The following DCX variants were observed in gnomAD, a reference collection of about 807,000 sequenced individuals.
DCX encodes the protein doublecortin, also known as neuronal migration protein doublecortin.
A neutral mutation model predicts 20.9 loss-of-function variants in DCX; 4 were observed. The observed-to-expected ratio is 0.19, with a 90% CI of 0.09 to 0.44. The LOEUF (loss-of-function observed/expected upper bound fraction) is 0.44. Among genes scored for constraint, DCX ranks in the 20% least tolerant of loss-of-function variants. The probability of loss-of-function intolerance (pLI) is 0.99; values close to 1 mark genes in which losing one functional copy is unlikely to be tolerated. For synonymous variants in DCX, 103 were observed against 111.4 expected, an observed-to-expected ratio of 0.92 and a Z score of 0.47; for missense variants, 133 against 296.9, an observed-to-expected ratio of 0.45 and a Z score of 4.06.
chrX:111,335,607 G>A (rs866722104), intron 3 of DCX, among the ~76,000 whole-genome samples: 3 of 112,453 alleles, frequency 2.7e-5, no homozygotes, highest in Non-Finnish European at 3.7e-5. Context: ...TATTCTTCAC[G>A]TAACTATGCT....
rs144612458 is a variant in DCX, at chrX:111,302,001, C to T, written c.1045-258G>A. ...TGTGTATGTGTGTGTGTGTATATTC[C>T]TATGCAATTTTATCATGTGTGTATA... On this transcript the variant is annotated intron_variant, in intron 6 of 6. Transcript: ENST00000636035. 3.1e-4 allele frequency among the ~76,000 whole-genome samples: 34 copies of T among 110,008 alleles called. No individual in the cohort carries two copies. In the East Asian group the frequency reaches 9.1e-3, roughly 30 times the overall value.
intron 3 of DCX, among the ~76,000 whole-genome samples, chrX:111,391,427 G>A (rs1308503364): frequency 9.0e-6 from 1 of 111,429 alleles, no homozygotes; most frequent in Non-Finnish European, 1.9e-5. Flanking sequence ...ATAGCAGTGT[G>A]AAAATGGACT....
intron 3 of DCX, among the ~76,000 whole-genome samples, chrX:111,363,093 C>T (rs1440515527): frequency 9.0e-6 from 1 of 110,913 alleles, no homozygotes; most frequent in Non-Finnish European, 1.9e-5. Context: ...TGATATAGAC[C>T]ATTTATCTAC....
intron 3 of DCX, among the ~76,000 whole-genome samples, chrX:111,342,546 C>A: frequency 9.5e-6 from 1 of 105,671 alleles, no homozygotes; most frequent in Non-Finnish European, 1.9e-5. Flanking sequence ...GACTTTAACT[C>A]AGCTCTGGAT....
chrX:111,335,806 C>T (rs748725668), intron 3 of DCX, among the ~76,000 whole-genome samples: 2 of 110,288 alleles, frequency 1.8e-5, no homozygotes, highest in East Asian at 2.9e-4. Flanking sequence ...ACTAGTCCGG[C>T]GTGGTGGTGC....
chrX:111,410,456 G>T (rs755325835), intron 1 of DCX, 36 bp from the exon 2 acceptor site: 1 of 1,200,382 alleles, frequency 8.3e-7, no homozygotes, highest in East Asian at 3.0e-5. Context: ...GTGAAGAGAG[G>T]CAAAAACAAA....
At chrX:111,339,983 C>T (rs959275279) in intron 3 of DCX, among the ~76,000 whole-genome samples, 9 of 112,706 alleles carry the variant, frequency 8.0e-5, no homozygotes, top group Admixed American at 5.6e-4. Context: ...CATGCCCTCC[C>T]CATGCCCCAC....
chrX:111,327,888 T>C (rs1219951425), intron 5 of DCX, among the ~76,000 whole-genome samples: 1 of 112,483 alleles, frequency 8.9e-6, no homozygotes, highest in Admixed American at 9.4e-5. Context: ...CAAACTCCGA[T>C]GAAATGGGCT....
chrX:111,391,606 G>A (rs1372991709), intron 3 of DCX, among the ~76,000 whole-genome samples: 2 of 110,640 alleles, frequency 1.8e-5, no homozygotes, highest in Non-Finnish European at 3.8e-5. Flanking sequence ...GGGGGGAAGC[G>A]CTGTTCTGTG....
rs149908525 is a variant in DCX, at chrX:111,322,598, A to G, written c.946+8306T>C. 1.5e-4 allele frequency among the ~76,000 whole-genome samples: 17 copies of G among 112,707 alleles called. No homozygotes were observed. The East Asian group carries it at 4.8e-3, about 32-fold the overall frequency. On this transcript the variant is annotated intron_variant, in intron 5 of 6. Transcript: ENST00000636035. Reference sequence around the variant, plus strand: ...CAAGGTGGTTTCAACTTACTTCAGAACAAGGTGAAGAGACAGACCCTGTGG... The same window carrying G: ...CAAGGTGGTTTCAACTTACTTCAGAGCAAGGTGAAGAGACAGACCCTGTGG...
chrX:111,313,440 A>AC (rs754962812), intron 5 of DCX, among the ~76,000 whole-genome samples: 1 of 111,162 alleles, frequency 9.0e-6, no homozygotes, highest in East Asian at 2.9e-4. Context: ...AGAATGACAA[A>AC]GAGATTGGGA....
chrX:111,347,973 G>A (rs377062635), intron 3 of DCX, among the ~76,000 whole-genome samples: 7 of 111,932 alleles, frequency 6.3e-5, no homozygotes, highest in African/African-American at 2.3e-4. Context: ...TCTTTGAATG[G>A]TGAAGGGCCA....
chrX:111,379,231 C>T (rs1314800063), intron 3 of DCX, among the ~76,000 whole-genome samples: 3 of 111,756 alleles, frequency 2.7e-5, no homozygotes, highest in Non-Finnish European at 5.6e-5. Flanking sequence ...TTATATACCA[C>T]GCAATTCACC....
At chrX:111,385,130 C>T (rs751849834) in intron 3 of DCX, among the ~76,000 whole-genome samples, 1 of 112,350 alleles carries the variant, frequency 8.9e-6, no homozygotes, top group Non-Finnish European at 1.9e-5. Context: ...GCCTGCTGGC[C>T]TGCCCTGGAT....
At chrX:111,396,383 G>A in intron 3 of DCX, among the ~76,000 whole-genome samples, 1 of 112,085 alleles carries the variant, frequency 8.9e-6, no homozygotes, top group East Asian at 2.8e-4. Flanking sequence ...TCTTAGGCAT[G>A]TATATTGAGG....
chrX:111,333,342 G>A (rs1334697021), intron 3 of DCX, among the ~76,000 whole-genome samples, 189 bp from the exon 4 acceptor site: 4 of 111,698 alleles, frequency 3.6e-5, no homozygotes, highest in East Asian at 5.7e-4. Context: ...GATATACTGA[G>A]TACCATTGTC....
chrX:111,397,837 A>G (rs368218164), intron 3 of DCX, among the ~76,000 whole-genome samples: 1 of 110,439 alleles, frequency 9.1e-6, no homozygotes, highest in Admixed American at 9.7e-5. Flanking sequence ...ATACATATAC[A>G]TATATGTATG....
chrX:111,379,434 T>C (rs1472808431), intron 3 of DCX, among the ~76,000 whole-genome samples: 1 of 111,915 alleles, frequency 8.9e-6, no homozygotes, highest in Non-Finnish European at 1.9e-5. Flanking sequence ...CGTATTTGTC[T>C]ATTCTGGACA....
intron 3 of DCX, among the ~76,000 whole-genome samples, chrX:111,379,161 A>G (rs1925771657): frequency 1.8e-5 from 2 of 112,536 alleles, no homozygotes. Flanking sequence ...CATAAACTAT[A>G]TTACTGAACT....
Sources: allele counts gnomAD v4.1 joint callset (sites outside exome capture counted in the v4.1 genomes callset), GRCh38; gene constraint gnomAD v4.1.1; transcripts MANE v1.5; gene names NCBI Gene and HGNC (gene_info 2026-07-23, HGNC 2026-07-21).